Variants in CGN observed in about 807,000 individuals in gnomAD.
The protein encoded by CGN is cingulin.
A neutral mutation model predicts 157.1 loss-of-function variants in CGN; 121 were observed. The observed-to-expected ratio is 0.77, with a 90% confidence interval of 0.66 to 0.90. CGN has a LOEUF of 0.90. Among genes scored for constraint, CGN ranks in the 40% least tolerant of loss-of-function variants. CGN has a pLI of 0.00. For synonymous variants in CGN, 535 were observed against 607.5 expected, an observed-to-expected ratio of 0.88 and a Z score of 1.76; for missense variants, 1,424 against 1,520.9, an observed-to-expected ratio of 0.94 and a Z score of 1.06.
At chr1:151,520,118 A>C in intron 2 of CGN, 48 bp from the exon 3 acceptor site, 10 of 1,423,584 alleles carry the variant, frequency 7.0e-6, no homozygotes, top group Non-Finnish European at 9.6e-6. Context: ...TAATCTTCCT[A>C]TTTCTTTCTT....
At position 151,534,906 on chromosome 1, in the gene CGN, A is replaced by T. The variant is rs774126302; in HGVS notation, c.2905-136A>T. 8 of 658,410 alleles carry T rather than the reference A, an allele frequency of 1.2e-5. No homozygotes were observed. In the Admixed American group the frequency reaches 1.2e-4, roughly 10 times the overall value. The allele number at this position is 658,410 out of a possible 1,614,324, so 40.8% of individuals were successfully genotyped here. ...CTGGCTCCATAGTGGCTCTGGGTCC[A>T]GGCAAGTACCAAAAGGTTACTGGGA... On this transcript the variant is annotated intron_variant, in intron 15 of 20. Transcript: ENST00000271636.
intron 5 of CGN, among the ~76,000 whole-genome samples, chr1:151,522,259 G>GA (rs1423696227): frequency 6.6e-6 from 1 of 152,122 alleles, no homozygotes; most frequent in African/African-American, 2.4e-5. Flanking sequence ...GCCAGAGCAA[G>GA]ACCCTGTCTC....
Position 151,511,872 on chromosome 1 carries a change from A to G in CGN, c.-15+357A>G, listed in dbSNP as rs1664305706. 6.6e-6 allele frequency among the ~76,000 whole-genome samples: 1 copy of G among 152,178 alleles called. No homozygotes were observed. Among genetic ancestry groups the G allele is most frequent in the Non-Finnish European group, 1.5e-5 (1 of 68,028 alleles). On this transcript the variant is annotated intron_variant, in intron 1 of 20. Coordinates refer to ENST00000271636, the MANE Select transcript of CGN (RefSeq NM_020770.3). The surrounding 1 kb of genome is among the most constrained non-coding windows in gnomAD (Gnocchi z 4.8). The stretch of plus-strand genomic sequence containing the variant: ...GTGGCGCGGGGAAGGAGTTAGTTCC[A>G]GCTGAGTCGGGAACTGCTGCTGCCT...
In CGN at chr1:151,529,269, G is replaced by A. The variant is rs997152625; in HGVS notation, c.1897-81G>A. On this transcript the variant is annotated intron_variant, in intron 10 of 20. Transcript: ENST00000271636. Reference sequence around the variant, plus strand: ...CATCAGTTTTTATTCCCTTGGCAGTGTATGAGAGTTTCAGCTTCTCCACAT... The same window carrying A: ...CATCAGTTTTTATTCCCTTGGCAGTATATGAGAGTTTCAGCTTCTCCACAT... 7 of 1,215,692 alleles carry A rather than the reference G, an allele frequency of 5.8e-6. No homozygotes were observed. The African/African-American group carries it at 9.0e-5, about 16-fold the overall frequency. 75.3% of individuals were successfully genotyped at this position (1,215,692 alleles called of 1,614,324 possible).
At position 151,515,252 on chromosome 1, in the gene CGN, C is replaced by T. The variant is rs569493256; in HGVS notation, c.-14-3254C>T. Among the ~76,000 whole-genome samples the T allele has an allele frequency of 9.2e-5, 14 of 152,326 alleles. 1 individual carries two copies. The East Asian group carries it at 2.7e-3, about 29-fold the overall frequency. On this transcript the variant is annotated intron_variant, in intron 1 of 20. Coordinates refer to ENST00000271636, the MANE Select transcript of CGN (RefSeq NM_020770.3). ...TTCTGACTTCAGGTGATCTGCCTAT[C>T]TCAGCCTCCCAAAGTGTTGGGATTA... is the stretch of plus-strand genomic sequence containing the variant.
intron 9 of CGN, 26 bp downstream of exon 9, chr1:151,525,816 T>C: frequency 1.4e-6 from 2 of 1,437,060 alleles, no homozygotes; most frequent in Non-Finnish European, 1.8e-6. Context: ...CTCTCAGAAA[T>C]ACCCATGATT....
intron 1 of CGN, among the ~76,000 whole-genome samples, chr1:151,512,101 C>G (rs1664314366): frequency 6.6e-6 from 1 of 152,114 alleles, no homozygotes; most frequent in South Asian, 2.1e-4. Flanking sequence ...GAGAGGGCAC[C>G]CTCATCTCTT....
Position 151,525,710 on chromosome 1 carries a change from G to A in CGN, c.1683G>A (p.Leu561=). Residue 561 remains leucine (L), a synonymous_variant, in exon 9 of 21, where the codon CTG becomes CTA. Coordinates refer to ENST00000271636, the MANE Select transcript of CGN (RefSeq NM_020770.3). ...SALVRGLQRE[L]EETSEETGHW... ...TTGTGCGAGGGCTGCAGAGGGAGCT[G>A]GAGGAGACTTCAGAGGAGACAGGGC... 1 of 1,612,554 alleles carries A rather than the reference G, an allele frequency of 6.2e-7. No individual in the cohort carries two copies. Among genetic ancestry groups the A allele is most frequent in the Non-Finnish European group, 8.5e-7 (1 of 1,179,228 alleles).
At chr1:151,526,909 A>G (rs1316780598) in intron 9 of CGN, 66 bp from the exon 10 acceptor site, 1 of 1,600,660 alleles carries the variant, frequency 6.2e-7, no homozygotes, top group Non-Finnish European at 8.5e-7. Flanking sequence ...TTGTCATGCT[A>G]ACCTCCCCCA....
intron 5 of CGN, 83 bp from the exon 6 acceptor site, chr1:151,523,351 G>A: frequency 7.6e-6 from 10 of 1,318,084 alleles, no homozygotes; most frequent in Non-Finnish European, 1.1e-5. Flanking sequence ...TGTCCAATGA[G>A]TGTTAGACAT....
At position 151,535,106 on chromosome 1, in the gene CGN, A is replaced by G; in HGVS notation, c.2969A>G (p.Asp990Gly). The G allele has an allele frequency of 6.2e-7, 1 of 1,614,072 alleles. No homozygotes were observed. Among genetic ancestry groups the G allele is most frequent in the South Asian group, 1.1e-5 (1 of 91,052 alleles). The change falls in exon 16 of 21, where the codon GAT becomes GGT. Residue 990 changes from aspartate (D) to glycine (G), a missense_variant. Asp to Gly is a moderately conservative substitution (Grantham distance 94). This residue lies in a region of CGN where 199 missense variants were observed against 272.2 expected (regional missense o/e 0.73). Coordinates refer to ENST00000271636, the MANE Select transcript of CGN (RefSeq NM_020770.3). ...AAGAACACCGTGGAGCTGCTAACAG[A>G]TCGGGTGAATCGTGGCCGGGACCAG... ...EEKNTVELLT[D>G]RVNRGRDQVD...
rs754400847 is a variant in CGN at position 151,532,474 on chromosome 1, A to T, written c.2644A>T (p.Lys882Ter). ...LQAQLEDYKE[K>*]ARREVADAQR... is the part of the protein sequence containing the mutation. ...GGCCCAGCTGGAGGATTATAAGGAA[A>T]AGGCCCGGCGGGAGGTGGCAGATGC... Residue 882 changes from lysine to a stop codon, truncating the protein, a stop_gained, in exon 14 of 21, where the codon AAG (lysine) becomes TAG (stop). Transcript: ENST00000271636. LOFTEE classifies it high-confidence loss of function. The T allele has an allele frequency of 1.2e-6, 2 of 1,609,714 alleles. No homozygotes were observed. The highest frequency in any genetic ancestry group is 2.7e-5 in the African/African-American group (2 of 74,670).
chr1:151,512,835 CTA>C (rs1476325258), intron 1 of CGN, among the ~76,000 whole-genome samples: 1 of 152,236 alleles, frequency 6.6e-6, no homozygotes, highest in African/African-American at 2.4e-5. Flanking sequence ...TTGCCCGACT[CTA>C]AGAGGATTCT....
intron 1 of CGN, among the ~76,000 whole-genome samples, chr1:151,513,995 C>G (rs946918415): frequency 6.6e-6 from 1 of 152,252 alleles, no homozygotes; most frequent in African/African-American, 2.4e-5. Flanking sequence ...GTTTACCTGC[C>G]TGTCTCTGGG....
chr1:151,522,391 G>A (rs944776823), intron 5 of CGN, among the ~76,000 whole-genome samples: 26 of 152,226 alleles, frequency 1.7e-4, no homozygotes, highest in African/African-American at 6.3e-4. Context: ...TTGGGAGGCT[G>A]AGGTGGGTGG....
In CGN at chr1:151,523,419, C is replaced by T. The variant is rs1664587162; in HGVS notation, c.1141-15C>T. ...CCCTACCCTCTACCTGCTGTACTCT[C>T]ATTCCCTTTTACAGAAGCGGCAGAA... On this transcript the variant is annotated splice_polypyrimidine_tract_variant and intron_variant, in intron 5 of 20. Coordinates refer to ENST00000271636, the MANE Select transcript of CGN (RefSeq NM_020770.3). 1.2e-6 allele frequency: 2 copies of T among 1,601,272 alleles called. No individual in the cohort carries two copies. Among genetic ancestry groups the T allele is most frequent in the Middle Eastern group, 1.7e-4 (1 of 5,996 alleles).
At chr1:151,513,737 C>T (rs1664351377) in intron 1 of CGN, among the ~76,000 whole-genome samples, 1 of 152,162 alleles carries the variant, frequency 6.6e-6, no homozygotes, top group African/African-American at 2.4e-5. Context: ...GGAATTGGGG[C>T]AGGGCAGGCT....
At chr1:151,512,970 G>C (rs2102484373) in intron 1 of CGN, among the ~76,000 whole-genome samples, 1 of 152,322 alleles carries the variant, frequency 6.6e-6, no homozygotes, top group South Asian at 2.1e-4. Context: ...GGACCAGGGA[G>C]GTGGCCAAAG....
rs897478071 is a variant in CGN, at chr1:151,538,597, C to A, written c.*1251C>A. 5.3e-5 allele frequency: 8 copies of A among 152,194 alleles called. No individual in the cohort carries two copies. Among genetic ancestry groups the A allele is most frequent in the Non-Finnish European group, 1.2e-4 (8 of 68,036 alleles). The allele number at this position is 152,194 out of a possible 1,614,324, so 9.4% of individuals were successfully genotyped here. A position where few individuals can be genotyped will look rare whatever the true frequency, so the allele number is the denominator to read the frequency against. Reference sequence around the variant, plus strand: ...TTGTAATGTCGTGATTAAAAAAATTCCTATATTCTTCTGCAAATCAAACGT... The same window carrying A: ...TTGTAATGTCGTGATTAAAAAAATTACTATATTCTTCTGCAAATCAAACGT... On this transcript the variant is annotated 3_prime_UTR_variant, in exon 21 of 21. Transcript: ENST00000271636.
Sources: gnomAD v4.1 joint callset for allele counts (sites outside exome capture counted in the v4.1 genomes callset) on GRCh38, gnomAD v4.1.1 for gene constraint, gnomAD v4.1.1 regional missense constraint, Gnocchi (gnomAD v3.1) non-coding constraint, MANE v1.5 for transcripts, NCBI Gene and HGNC (gene_info 2026-07-23, HGNC 2026-07-21) for gene names.